Variants in KIAA1217 observed in about 807,000 individuals in gnomAD.
KIAA1217 encodes the protein sickle tail protein homolog.
In KIAA1217, 88 loss-of-function variants were observed where a neutral mutation model predicts 163.9. The ratio of observed to expected loss-of-function variants is 0.54; its 90% CI spans 0.45 to 0.64. The LOEUF (loss-of-function observed/expected upper bound fraction) is 0.64. Among genes scored for constraint, KIAA1217 ranks in the 30% least tolerant of loss-of-function variants. The pLI is 0.00. For synonymous variants in KIAA1217, 903 were observed against 923.1 expected (o/e 0.98, Z 0.39); for missense variants, 2,372 against 2,475.0 (o/e 0.96, Z 0.88).
chr10:24,538,738 T>TG (rs1554943362), intron 17 of KIAA1217, among the ~76,000 whole-genome samples: 2 of 138,674 alleles, frequency 1.4e-5, no homozygotes, highest in Non-Finnish European at 3.1e-5. Context: ...TTTGGTTTTT[T>TG]TTTTTTTTTT....
rs565529248 is a variant in KIAA1217, at chr10:24,448,674, A to G, written c.846+10195A>G. Among the ~76,000 whole-genome samples the G allele has an allele frequency of 5.3e-5, 8 of 152,362 alleles. No homozygotes were observed. In the East Asian group the frequency reaches 1.3e-3, roughly 26 times the overall value. On this transcript the variant is annotated intron_variant, in intron 5 of 20. Coordinates refer to ENST00000376454, the MANE Select transcript of KIAA1217 (RefSeq NM_019590.5). ...AGTGCTGGGATTACAGGCATGAGCC[A>G]CTGTGCCTGGCCCCTTGCTTTTAGA...
intron 1 of KIAA1217, among the ~76,000 whole-genome samples, chr10:23,756,305 G>A (rs1270791905): frequency 6.6e-6 from 1 of 151,718 alleles, no homozygotes; most frequent in Non-Finnish European, 1.5e-5. Context: ...AAAAACAAAA[G>A]GAAAACCTGT....
At chr10:24,119,433 T>A (rs2063190752) in intron 2 of KIAA1217, among the ~76,000 whole-genome samples, 1 of 152,188 alleles carries the variant, frequency 6.6e-6, no homozygotes. Context: ...GAAATCATAT[T>A]GCAAATGTGT....
In KIAA1217 at chr10:24,353,768, A is replaced by G. The variant is rs191031090; in HGVS notation, c.355-27101A>G. Among the ~76,000 whole-genome samples the G allele has an allele frequency of 7.9e-3, 1,209 of 152,356 alleles. 6 individuals are homozygous for G. Among genetic ancestry groups the G allele is most frequent in the Non-Finnish European group, 0.013 (887 of 68,040 alleles). On this transcript the variant is annotated intron_variant, in intron 2 of 20. Coordinates refer to ENST00000376454, the MANE Select transcript of KIAA1217 (RefSeq NM_019590.5). ...TTTTTAGAGTGGAATTGTTATGAGC[A>G]TACATTCTATTTTAATTCATTGTAA...
Position 24,524,567 on chromosome 10 carries a change from G to C in KIAA1217, c.2701G>C (p.Val901Leu). 6.2e-7 allele frequency: 1 copy of C among 1,613,970 alleles called. No homozygotes were observed. The highest frequency in any genetic ancestry group is 1.3e-5 in the African/African-American group (1 of 75,050). ...GGTCATCCAGCCCTCCCAGCACTCCGTGGCCCTGCTGAACCCTGCTCAGAA... is the reference window on the plus strand; with the variant it reads ...GGTCATCCAGCCCTCCCAGCACTCCCTGGCCCTGCTGAACCCTGCTCAGAA... ...PVVIQPSQHS[V>L]ALLNPAQNLP... Residue 901 changes from valine to leucine, a missense_variant, in exon 13 of 21, where the codon GTG (valine) becomes CTG (leucine). Transcript: ENST00000376454.
At chr10:23,841,080 T>C (rs1463092310) in intron 1 of KIAA1217, among the ~76,000 whole-genome samples, 1 of 152,208 alleles carries the variant, frequency 6.6e-6, no homozygotes, top group Admixed American at 6.5e-5. Flanking sequence ...GAATATTAAA[T>C]AAGCACATAG....
At chr10:24,524,856 G>C (rs1362881184) in intron 13 of KIAA1217, 92 bp downstream of exon 13, 5 of 1,125,492 alleles carry the variant, frequency 4.4e-6, no homozygotes, top group Non-Finnish European at 6.3e-6. Flanking sequence ...ATGATGACAT[G>C]ATTGTGTATG....
At chr10:23,886,763 T>G (rs1380602528) in intron 1 of KIAA1217, among the ~76,000 whole-genome samples, 1 of 151,968 alleles carries the variant, frequency 6.6e-6, no homozygotes, top group African/African-American at 2.4e-5. Context: ...TTAAAAGTAT[T>G]TATTTTCCTT....
chr10:23,749,782 A>C (rs1440385138), intron 1 of KIAA1217, among the ~76,000 whole-genome samples: 1 of 152,180 alleles, frequency 6.6e-6, no homozygotes, highest in South Asian at 2.1e-4. Flanking sequence ...AATAATTTGC[A>C]TACAGATGTT....
chr10:23,855,660 A>G (rs752892009), intron 1 of KIAA1217, among the ~76,000 whole-genome samples: 1 of 152,180 alleles, frequency 6.6e-6, no homozygotes, highest in Non-Finnish European at 1.5e-5. Context: ...AATCAGACGT[A>G]GATTTCGTCT....
At chr10:24,155,557 A>T (rs1589703558) in intron 2 of KIAA1217, among the ~76,000 whole-genome samples, 1 of 152,160 alleles carries the variant, frequency 6.6e-6, no homozygotes, top group Non-Finnish European at 1.5e-5. Context: ...GCAGTGGCTG[A>T]TGCCTATAAT....
intron 2 of KIAA1217, chr10:24,158,562 C>T (rs557280566): frequency 9.8e-6 from 5 of 508,564 alleles, no homozygotes; most frequent in South Asian, 7.4e-5. Context: ...CCTGTATTGA[C>T]TAAACTGTAA....
At chr10:24,529,584 C>G (rs977922070) in intron 14 of KIAA1217, among the ~76,000 whole-genome samples, 1 of 152,010 alleles carries the variant, frequency 6.6e-6, no homozygotes, top group African/African-American at 2.4e-5. Flanking sequence ...TGTCTCCTCC[C>G]CAGTTTTCAT....
At chr10:24,355,730 T>C (rs981865120) in intron 2 of KIAA1217, among the ~76,000 whole-genome samples, 1 of 49,152 alleles carries the variant, frequency 2.0e-5, no homozygotes, top group Non-Finnish European at 3.5e-5. Flanking sequence ...TCCTCACTCT[T>C]TTTTTTTTTT....
At chr10:24,301,351 A>G (rs1252156451) in intron 2 of KIAA1217, among the ~76,000 whole-genome samples, 2 of 152,238 alleles carry the variant, frequency 1.3e-5, no homozygotes, top group African/African-American at 4.8e-5. Flanking sequence ...AGCATTTACT[A>G]TTAAGGCTGA....
chr10:24,354,534 C>T (rs1057369335), intron 2 of KIAA1217, among the ~76,000 whole-genome samples: 1 of 152,220 alleles, frequency 6.6e-6, no homozygotes, highest in Non-Finnish European at 1.5e-5. Flanking sequence ...AGTCCTTGTC[C>T]TGCATCCAGG....
At chr10:24,224,858 A>G (rs375724934) in intron 2 of KIAA1217, among the ~76,000 whole-genome samples, 153 of 115,368 alleles carry the variant, frequency 1.3e-3, no homozygotes, top group East Asian at 0.01. Context: ...ATGGAGTCTC[A>G]CTCTGTCACC....
intron 1 of KIAA1217, among the ~76,000 whole-genome samples, chr10:23,893,045 G>C (rs931726408): frequency 6.6e-6 from 1 of 151,936 alleles, no homozygotes; most frequent in Non-Finnish European, 1.5e-5. Flanking sequence ...TCTATTGATT[G>C]GAATAGTTTC....
chr10:23,852,140 G>A (rs1253606401), intron 1 of KIAA1217, among the ~76,000 whole-genome samples: 1 of 152,012 alleles, frequency 6.6e-6, no homozygotes, highest in Admixed American at 6.6e-5. Flanking sequence ...GGGTTTTTAT[G>A]GTTTTAGGTC....
Sources: gnomAD v4.1 joint callset for allele counts (sites outside exome capture counted in the v4.1 genomes callset) on GRCh38, gnomAD v4.1.1 for gene constraint, MANE v1.5 for transcripts, NCBI Gene and HGNC (gene_info 2026-07-23, HGNC 2026-07-21) for gene names.